PCDHGA3: variants seen among roughly 807,000 people sequenced by gnomAD.
The protein encoded by PCDHGA3 is protocadherin gamma-A3.
PCDHGA3 carries 40 observed loss-of-function variants against 58.5 expected under a neutral mutation model. The ratio of observed to expected loss-of-function variants is 0.68; its 90% CI spans 0.53 to 0.89. PCDHGA3 has a LOEUF of 0.89. PCDHGA3 is among the 40% of genes least tolerant of loss of function. PCDHGA3 has a pLI of 0.00. For missense variants in PCDHGA3, 1,223 were observed against 1,195.9 expected (o/e 1.02, Z -0.33); for synonymous variants, 530 against 525.7 (o/e 1.01, Z -0.11).
Position 141,409,803 on chromosome 5 carries a change from C to G in PCDHGA3, c.2424+63346C>G, listed in dbSNP as rs779815582. The G allele has an allele frequency of 1.4e-5, 23 of 1,611,528 alleles. No homozygotes were observed. The highest frequency in any genetic ancestry group is 7.7e-5 in the South Asian group (7 of 90,886). ...CGCGCCTTCGCGCTCACGCTGCAGG[C>G]CCGCGACCACGGCTCGCCCACGCTC... On this transcript the variant is annotated intron_variant, in intron 1 of 3. Coordinates refer to ENST00000253812, the MANE Select transcript of PCDHGA3 (RefSeq NM_018916.4).
intron 1 of PCDHGA3, among the ~76,000 whole-genome samples, chr5:141,434,129 G>T (rs1242855904): frequency 6.6e-6 from 1 of 152,092 alleles, no homozygotes; most frequent in East Asian, 1.9e-4. Flanking sequence ...CTCCCTTTAG[G>T]CTGATTTCTA....
At chr5:141,377,892 C>T (rs1387473486) in intron 1 of PCDHGA3, 1 of 152,170 alleles carries the variant, frequency 6.6e-6, no homozygotes, top group Non-Finnish European at 1.5e-5. Context: ...TAGGATCCCC[C>T]TCTGTTGCCC....
intron 1 of PCDHGA3, chr5:141,370,125 T>C (rs921513468): frequency 5.8e-5 from 23 of 394,142 alleles, no homozygotes; most frequent in Non-Finnish European, 9.4e-5. Context: ...GCTCCTTATT[T>C]GGAGCTGATT....
At chr5:141,372,388 C>T (rs745890626) in intron 1 of PCDHGA3, 1 of 1,614,056 alleles carries the variant, frequency 6.2e-7, no homozygotes, top group Non-Finnish European at 8.5e-7. Flanking sequence ...CTAATCTTCG[C>T]AGATAGCTTG....
chr5:141,356,260 A>G (rs1474852125), intron 1 of PCDHGA3: 2 of 1,566,346 alleles, frequency 1.3e-6, no homozygotes, highest in Non-Finnish European at 8.7e-7. Context: ...ATCTCTCACC[A>G]GCTCAGTCCA....
rs770283696 is a variant in PCDHGA3, at chr5:141,385,127, T to G, written c.2424+38670T>G. On this transcript the variant is annotated intron_variant, in intron 1 of 3. Transcript: ENST00000253812. ...GTGCCCACCTCGCACTTTGTGGGCA[T>G]GGACGGGGTGCAGGCTTTCCTGCAG... is the stretch of plus-strand genomic sequence containing the variant. 6.2e-6 allele frequency: 10 copies of G among 1,614,222 alleles called. No individual in the cohort carries two copies. The South Asian group carries it at 7.7e-5, about 12-fold the overall frequency.
At chr5:141,473,808 C>G (rs1562041705) in intron 1 of PCDHGA3, among the ~76,000 whole-genome samples, 1 of 152,198 alleles carries the variant, frequency 6.6e-6, no homozygotes, top group Non-Finnish European at 1.5e-5. Flanking sequence ...TACTGAGGAG[C>G]AGCTGGACAA....
chr5:141,436,921 C>T lies in PCDHGA3; in HGVS notation c.2425-57886C>T, dbSNP rs73794904. Among the ~76,000 whole-genome samples the T allele has an allele frequency of 9.3e-3, 1,413 of 152,246 alleles. 25 individuals carry two copies. The highest frequency in any genetic ancestry group is 0.032 in the African/African-American group (1,313 of 41,572). On this transcript the variant is annotated intron_variant, in intron 1 of 3. Coordinates refer to ENST00000253812, the MANE Select transcript of PCDHGA3 (RefSeq NM_018916.4). ...ATATGAGACAATTTTGTGAGTGTTA[C>T]TTTTTCTTTGTCTGAACCATAGTGA...
rs1302496204 is a variant in PCDHGA3, at chr5:141,413,214, T to A, written c.2424+66757T>A. On this transcript the variant is annotated intron_variant, in intron 1 of 3. Coordinates refer to ENST00000253812, the MANE Select transcript of PCDHGA3 (RefSeq NM_018916.4). ...GGAATCGCTCAAAGGAATCAAAGGA[T>A]TGCAGCGGGCTGGTCCTGCTCTGCC... 6 of 1,613,176 alleles carry A rather than the reference T, an allele frequency of 3.7e-6. No homozygotes were observed. The African/African-American group carries it at 8.0e-5, about 22-fold the overall frequency.
At chr5:141,382,520 G>A (rs1778262322) in intron 1 of PCDHGA3, among the ~76,000 whole-genome samples, 1 of 152,192 alleles carries the variant, frequency 6.6e-6, no homozygotes, top group South Asian at 2.1e-4. Context: ...TTAATTCAGT[G>A]TCTTAAAATG....
chr5:141,390,003 C>A, intron 1 of PCDHGA3: 1 of 1,614,056 alleles, frequency 6.2e-7, no homozygotes, highest in Non-Finnish European at 8.5e-7. Flanking sequence ...GGCCATGATT[C>A]TGGCCATTGC....
At chr5:141,425,491 C>G (rs1243033082) in intron 1 of PCDHGA3, among the ~76,000 whole-genome samples, 1 of 152,200 alleles carries the variant, frequency 6.6e-6, no homozygotes, top group Non-Finnish European at 1.5e-5. Context: ...ACCTACTAGG[C>G]TATACCTTTA....
chr5:141,502,179 A>G (rs1403845758), intron 2 of PCDHGA3, among the ~76,000 whole-genome samples: 2 of 152,218 alleles, frequency 1.3e-5, no homozygotes, highest in Non-Finnish European at 2.9e-5. Context: ...GGAATTTAAC[A>G]TTAATACAAT....
At chr5:141,419,620 G>A (rs776986192) in intron 1 of PCDHGA3, 9 of 1,612,304 alleles carry the variant, frequency 5.6e-6, no homozygotes, top group Non-Finnish European at 7.6e-6. Context: ...CAGGCTACCT[G>A]GTGACCAAGG....
chr5:141,414,909 C>G (rs1230113440), intron 1 of PCDHGA3: 4 of 1,614,220 alleles, frequency 2.5e-6, no homozygotes, highest in Non-Finnish European at 3.4e-6. Context: ...GTTCCACAGG[C>G]GTGGAGCTGG....
intron 1 of PCDHGA3, chr5:141,409,914 G>C: frequency 6.2e-7 from 1 of 1,613,348 alleles, no homozygotes; most frequent in East Asian, 2.2e-5. Context: ...GGTCCTGACG[G>C]CTCCGCGTTC....
intron 1 of PCDHGA3, chr5:141,398,690 G>A (rs1258068362): frequency 1.9e-6 from 3 of 1,613,914 alleles, no homozygotes; most frequent in African/African-American, 1.3e-5. Flanking sequence ...AAACAGGATG[G>A]TAGTAAATAC....
intron 1 of PCDHGA3, chr5:141,366,667 C>G (rs267600454): frequency 2.9e-5 from 47 of 1,614,054 alleles, no homozygotes; most frequent in Middle Eastern, 1.6e-4. Context: ...CAGACACGCT[C>G]CTTAGTGAAG....
rs373553221 is a variant in PCDHGA3, at chr5:141,361,821, G to A, written c.2424+15364G>A. The A allele has an allele frequency of 7.4e-6, 12 of 1,613,026 alleles. No individual in the cohort carries two copies. The African/African-American group carries it at 1.6e-4, about 21-fold the overall frequency. On this transcript the variant is annotated intron_variant, in intron 1 of 3. Transcript: ENST00000253812. ...ACCTCAATGACAATGCGCCACGGGT[G>A]CTGTACCCCGCGCTGGGGCCTGATG...
Sources: gnomAD v4.1 joint callset for allele counts (sites outside exome capture counted in the v4.1 genomes callset) on GRCh38, gnomAD v4.1.1 for gene constraint, MANE v1.5 for transcripts, NCBI Gene and HGNC (gene_info 2026-07-23, HGNC 2026-07-21) for gene names.